The following CCDC141 variants were observed in gnomAD, a reference collection of about 807,000 sequenced individuals.
CCDC141 encodes coiled-coil domain containing 141.
Under a neutral mutation model 181.0 loss-of-function variants are expected in CCDC141, and 168 were observed. The observed-to-expected ratio is 0.93, with a 90% CI of 0.82 to 1.05. The LOEUF is 1.05. Ranked by LOEUF, CCDC141 falls within the 50% of genes least tolerant of loss-of-function variation. The probability of loss-of-function intolerance (pLI) is 0.00; values close to 1 mark genes in which losing one functional copy is unlikely to be tolerated. For synonymous variants in CCDC141, 666 were observed against 642.3 expected, an observed-to-expected ratio of 1.04 and a Z score of -0.56; for missense variants, 1,902 against 1,788.5, an observed-to-expected ratio of 1.06 and a Z score of -1.14.
rs1687626056 is a variant in CCDC141, at chr2:178,900,354, G to A, written c.1265+4975C>T. Among the ~76,000 whole-genome samples the A allele has an allele frequency of 2.0e-5, 3 of 152,092 alleles. No individual in the cohort carries two copies. The South Asian group carries it at 6.2e-4, about 32-fold the overall frequency. On this transcript the variant is annotated intron_variant, in intron 8 of 23. Transcript: ENST00000443758. ...AGCAAAAGAGGGGAAAAGAAAACTG[G>A]TATGGATAAGGAAACTAAGACTAGT...
intron 2 of CCDC141, among the ~76,000 whole-genome samples, chr2:179,013,177 C>T (rs1274178296): frequency 1.3e-5 from 2 of 152,086 alleles, no homozygotes; most frequent in Non-Finnish European, 2.9e-5. Context: ...TGTCAAACTG[C>T]CCCTGTTTGC....
In CCDC141 at chr2:179,015,288, T is replaced by TAC. The variant is rs1468082433; in HGVS notation, c.225+31995_225+31996insGT. On this transcript the variant is annotated intron_variant, in intron 2 of 23. Transcript: ENST00000443758. ...TCATATATATCTCATCTATCTCTCA[T>TAC]ATATCTCATATATGTATCATACATA... Among the ~76,000 whole-genome samples, 49 of 124,336 alleles carry TAC rather than the reference T, an allele frequency of 3.9e-4. 1 individual carries two copies. Among genetic ancestry groups the TAC allele is most frequent in the African/African-American group, 1.3e-3 (44 of 35,078 alleles). 81.6% of individuals were successfully genotyped at this position (124,336 alleles called of 152,430 possible). A position where few individuals can be genotyped will look rare whatever the true frequency, so the allele number is the denominator to read the frequency against.
Position 178,856,393 on chromosome 2 carries a change from T to A in CCDC141, c.2729A>T (p.Lys910Ile). ...CAMRDEINEL[K>I]DSFKDIKKKF... ...CTTTTTGATATCTTTGAATGAGTCT[T>A]TGAGCTGTAGTTCAATAAAAAGAAA... The change falls in exon 18 of 24, where the codon AAA (lysine) becomes ATA (isoleucine). Residue 910 changes from lysine (K) to isoleucine (I), a missense_variant. By Grantham distance (102) the Lys-to-Ile change is moderately radical (BLOSUM62 -3). Transcript: ENST00000443758. 1 of 1,571,458 alleles carries A rather than the reference T, an allele frequency of 6.4e-7. No individual in the cohort carries two copies. Among genetic ancestry groups the A allele is most frequent in the Non-Finnish European group, 8.7e-7 (1 of 1,153,014 alleles).
At chr2:178,981,413 G>A (rs546312305) in intron 2 of CCDC141, among the ~76,000 whole-genome samples, 22 of 151,220 alleles carry the variant, frequency 1.5e-4, no homozygotes, top group Non-Finnish European at 2.2e-4. Context: ...GACCACAAAA[G>A]AATTAAACTA....
intron 17 of CCDC141, among the ~76,000 whole-genome samples, chr2:178,864,396 A>C (rs184276513): frequency 6.6e-6 from 1 of 152,326 alleles, no homozygotes; most frequent in East Asian, 1.9e-4. Context: ...ATTGACGTGT[A>C]AGCAGCAGCA....
intron 7 of CCDC141, among the ~76,000 whole-genome samples, chr2:178,906,898 T>C (rs1199044441): frequency 6.6e-6 from 1 of 152,090 alleles, no homozygotes; most frequent in African/African-American, 2.4e-5. Context: ...CCTGCTGCCA[T>C]CTCAGGGGGT....
At chr2:179,036,036 C>T (rs1218545798) in intron 2 of CCDC141, among the ~76,000 whole-genome samples, 1 of 152,124 alleles carries the variant, frequency 6.6e-6, no homozygotes, top group Non-Finnish European at 1.5e-5. Context: ...TTTTTGCCCA[C>T]TCTGTGTCAT....
At position 178,833,627 on chromosome 2, in the gene CCDC141, GAC is replaced by G. The variant is rs1208671552; in HGVS notation, c.*544_*545del. ...AACATGAGGAATGATTATTTACAAT[GAC>G]ATCATCAGACTCAGGAACGTAGTCT... On this transcript the variant is annotated 3_prime_UTR_variant, in exon 24 of 24. Transcript: ENST00000443758. 2 of 153,528 alleles carry G rather than the reference GAC, an allele frequency of 1.3e-5. No homozygotes were observed. The highest frequency in any genetic ancestry group is 2.4e-5 in the African/African-American group (1 of 41,434). The allele number at this position is 153,528 out of a possible 1,614,324, so 9.5% of individuals were successfully genotyped here.
chr2:178,827,332 A>G (rs915536860), downstream of CCDC141, among the ~76,000 whole-genome samples: 4 of 152,080 alleles, frequency 2.6e-5, no homozygotes, highest in Non-Finnish European at 4.4e-5. Flanking sequence ...CTGTTGTTGG[A>G]TGGAATATTC....
In CCDC141 at chr2:178,834,168, C is replaced by T; in HGVS notation, c.*5G>A. On this transcript the variant is annotated 3_prime_UTR_variant, in exon 24 of 24. Coordinates refer to ENST00000443758, the MANE Select transcript of CCDC141 (RefSeq NM_173648.4). ...GAATGATGTCCATTGGTGCCAACAC[C>T]ACAGTTATTGTGTGAGGAGCCAGTA... is the stretch of plus-strand genomic sequence containing the variant. The T allele has an allele frequency of 1.3e-6, 2 of 1,533,580 alleles. No individual in the cohort carries two copies. Among genetic ancestry groups the T allele is most frequent in the Non-Finnish European group, 1.7e-6 (2 of 1,144,618 alleles). The allele number at this position is 1,533,580 out of a possible 1,614,324, so 95.0% of individuals were successfully genotyped here.
At chr2:179,023,767 G>A (rs1306417824) in intron 2 of CCDC141, among the ~76,000 whole-genome samples, 3 of 152,184 alleles carry the variant, frequency 2.0e-5, no homozygotes, top group African/African-American at 7.2e-5. Flanking sequence ...GCTAAATGAT[G>A]AGGAAGAGCC....
At chr2:179,009,758 A>G (rs989471339) in intron 2 of CCDC141, among the ~76,000 whole-genome samples, 3 of 152,072 alleles carry the variant, frequency 2.0e-5, no homozygotes, top group Admixed American at 6.6e-5. Flanking sequence ...GGCCTCCCCA[A>G]AAAATCACAT....
At chr2:178,988,033 G>A (rs111252984) in intron 2 of CCDC141, among the ~76,000 whole-genome samples, 7,090 of 151,622 alleles carry the variant, frequency 0.047, 212 homozygotes, top group South Asian at 0.078. Flanking sequence ...TGTTTACTGC[G>A]GCACTATTCA....
At chr2:178,936,635 G>A (rs1355592221) in intron 6 of CCDC141, among the ~76,000 whole-genome samples, 2 of 152,134 alleles carry the variant, frequency 1.3e-5, no homozygotes, top group Admixed American at 1.3e-4. Flanking sequence ...TGTGAAGAAT[G>A]TCATTGGTAT....
chr2:178,936,992 C>T (rs781328779), intron 6 of CCDC141, among the ~76,000 whole-genome samples: 9 of 151,930 alleles, frequency 5.9e-5, no homozygotes, highest in Admixed American at 3.9e-4. Flanking sequence ...AGCTTTTGAC[C>T]GAGACTATGG....
intron 7 of CCDC141, among the ~76,000 whole-genome samples, chr2:178,913,938 T>C (rs1688330336): frequency 6.6e-6 from 1 of 152,234 alleles, no homozygotes; most frequent in South Asian, 2.1e-4. Flanking sequence ...CAATTGCAGC[T>C]GTCCTGTAAA....
intron 22 of CCDC141, among the ~76,000 whole-genome samples, chr2:178,839,534 C>T (rs537573719): frequency 6.2e-5 from 8 of 129,890 alleles, no homozygotes; most frequent in African/African-American, 8.8e-5. Context: ...AGATCGAGAT[C>T]GTGCCATTGT....
chr2:178,848,304 C>T lies in CCDC141; in HGVS notation c.3357+1745G>A, dbSNP rs1232247387. ...GAAGCACAATGGTTTGGAAAGGTGA[C>T]CAGCTTCAGAACATTGAAAGGCCTT... is the stretch of plus-strand genomic sequence containing the variant. On this transcript the variant is annotated intron_variant, in intron 21 of 23. Transcript: ENST00000443758. Among the ~76,000 whole-genome samples the T allele has an allele frequency of 5.3e-5, 8 of 152,262 alleles. No homozygotes were observed. The South Asian group carries it at 1.2e-3, about 24-fold the overall frequency.
At chr2:178,971,765 G>A (rs1690899312) in intron 4 of CCDC141, among the ~76,000 whole-genome samples, 1 of 152,140 alleles carries the variant, frequency 6.6e-6, no homozygotes, top group Admixed American at 6.5e-5. Flanking sequence ...ATGAGTTCAT[G>A]TCCTTTGCAG....
Sources: gnomAD v4.1 joint callset for allele counts (sites outside exome capture counted in the v4.1 genomes callset) on GRCh38, gnomAD v4.1.1 for gene constraint, MANE v1.5 for transcripts, NCBI Gene and HGNC (gene_info 2026-07-23, HGNC 2026-07-21) for gene names.